Variants in SNX30 observed in about 807,000 individuals in gnomAD.
SNX30 encodes the protein sorting nexin-30.
SNX30 carries 24 observed loss-of-function variants against 46.4 expected under a neutral mutation model. The observed-to-expected ratio is 0.52, with a 90% confidence interval of 0.37 to 0.73. The LOEUF (loss-of-function observed/expected upper bound fraction) is 0.73. Ranked by LOEUF, SNX30 falls within the 30% of genes least tolerant of loss-of-function variation. The pLI is 0.00. For synonymous variants in SNX30, 189 were observed against 211.5 expected (o/e 0.89, Z 0.92); for missense variants, 533 against 555.7 (o/e 0.96, Z 0.41).
chr9:112,883,942 G>A (rs769035313), downstream of SNX30, among the ~76,000 whole-genome samples: 7 of 152,116 alleles, frequency 4.6e-5, no homozygotes, highest in Non-Finnish European at 5.9e-5. Flanking sequence ...TGATCCATCC[G>A]CCTTGGCCTC....
intron 1 of SNX30, among the ~76,000 whole-genome samples, chr9:112,784,379 G>A (rs1839888035): frequency 6.6e-6 from 1 of 152,130 alleles, no homozygotes; most frequent in Non-Finnish European, 1.5e-5. Context: ...CGTTACCTGT[G>A]GGGTGCACCT....
chr9:112,761,388 C>G (rs1839433901), intron 1 of SNX30, among the ~76,000 whole-genome samples: 2 of 152,158 alleles, frequency 1.3e-5, no homozygotes, highest in Admixed American at 6.5e-5. Flanking sequence ...GTCTCAAACT[C>G]CTGACTTCAG....
chr9:112,812,024 G>A (rs1840328168), intron 2 of SNX30, among the ~76,000 whole-genome samples: 1 of 152,098 alleles, frequency 6.6e-6, no homozygotes, highest in South Asian at 2.1e-4. Context: ...TCCAAGTAGT[G>A]TCTCTGGCCC....
chr9:112,837,027 A>G (rs574065151), intron 5 of SNX30, among the ~76,000 whole-genome samples: 23 of 152,172 alleles, frequency 1.5e-4, no homozygotes, highest in Non-Finnish European at 2.6e-4. Context: ...TTACATATGC[A>G]TGGGGCGGAC....
At chr9:112,849,288 T>C (rs1013153767) in intron 6 of SNX30, among the ~76,000 whole-genome samples, 1 of 152,218 alleles carries the variant, frequency 6.6e-6, no homozygotes, top group African/African-American at 2.4e-5. Context: ...TATAGATTTA[T>C]GTCATCCAGT....
intron 3 of SNX30, among the ~76,000 whole-genome samples, chr9:112,822,317 A>G (rs570968243): frequency 6.6e-6 from 1 of 152,178 alleles, no homozygotes; most frequent in African/African-American, 2.4e-5. Context: ...TTTCTTCATT[A>G]TGTAATAGTT....
chr9:112,817,794 C>T lies in SNX30; in HGVS notation c.438C>T (p.Ser146=). The T allele has an allele frequency of 6.2e-7, 1 of 1,612,338 alleles. No homozygotes were observed. The highest frequency in any genetic ancestry group is 8.5e-7 in the Non-Finnish European group (1 of 1,178,492). ...GGTTGAGGAGCAAACTGGAAGAATC[C>T]CAGCCCACTCATCTCATTCCCGTAG... ...FDWLRSKLEE[S]QPTHLIPPLP... The change falls in exon 3 of 9, where the codon TCC becomes TCT. Residue 146 remains serine, a synonymous_variant. Coordinates refer to ENST00000374232, the MANE Select transcript of SNX30 (RefSeq NM_001012994.2).
intron 5 of SNX30, among the ~76,000 whole-genome samples, chr9:112,880,695 T>G (rs1487052248): frequency 1.3e-5 from 2 of 152,262 alleles, no homozygotes; most frequent in Non-Finnish European, 2.9e-5. Flanking sequence ...AGTCTGTTAC[T>G]GTGCAATGGG....
intron 7 of SNX30, among the ~76,000 whole-genome samples, chr9:112,859,012 C>T (rs749046941): frequency 4.6e-5 from 7 of 152,306 alleles, no homozygotes; most frequent in Non-Finnish European, 7.3e-5. Flanking sequence ...AGCACATTTA[C>T]ATTGTTGTGC....
chr9:112,845,748 G>A (rs1318027741), intron 6 of SNX30, among the ~76,000 whole-genome samples: 1 of 152,212 alleles, frequency 6.6e-6, no homozygotes, highest in Non-Finnish European at 1.5e-5. Context: ...GTCCCTCAAT[G>A]AAAGGACCCA....
chr9:112,817,401 C>CTTTTTTTTTTGTTTTTTTTTTTTTTT, intron 2 of SNX30, among the ~76,000 whole-genome samples: 1 of 46,832 alleles, frequency 2.1e-5, no homozygotes, highest in Non-Finnish European at 3.4e-5. Context: ...AAAAAACTGG[C>CTTTTTTTTTTGTTTTTTTTTTTTTTT]TTTTTTTTTT....
chr9:112,828,490 C>A (rs993241609), intron 3 of SNX30, among the ~76,000 whole-genome samples: 5 of 152,170 alleles, frequency 3.3e-5, no homozygotes, highest in African/African-American at 1.2e-4. Context: ...CATTAAGTGA[C>A]ACATTAACTG....
intron 1 of SNX30, among the ~76,000 whole-genome samples, chr9:112,795,989 A>G (rs1840103318): frequency 6.6e-6 from 1 of 152,188 alleles, no homozygotes; most frequent in African/African-American, 2.4e-5. Context: ...GGATTCAAGC[A>G]GATTCCTGGA....
At chr9:112,820,319 AC>A (rs1257271229) in intron 3 of SNX30, among the ~76,000 whole-genome samples, 1 of 152,152 alleles carries the variant, frequency 6.6e-6, no homozygotes, top group African/African-American at 2.4e-5. Flanking sequence ...TGAAAGTCAA[AC>A]CAGCAACCAA....
chr9:112,808,792 A>G (rs1840271990), intron 2 of SNX30, among the ~76,000 whole-genome samples: 1 of 152,246 alleles, frequency 6.6e-6, no homozygotes. Context: ...AGGAAATGCC[A>G]GTAAGCATGC....
chr9:112,798,121 C>CTTTTTT (rs57300324), intron 1 of SNX30, among the ~76,000 whole-genome samples: 7 of 77,874 alleles, frequency 9.0e-5, no homozygotes, highest in African/African-American at 2.0e-4. Context: ...TTTTTTTTTT[C>CTTTTTT]TTTTTTTTTT....
At chr9:112,818,157 A>G (rs941291110) in intron 3 of SNX30, among the ~76,000 whole-genome samples, 1 of 151,956 alleles carries the variant, frequency 6.6e-6, no homozygotes, top group African/African-American at 2.4e-5. Context: ...TTCCATCTGC[A>G]CAGTTTTTAA....
intron 7 of SNX30, among the ~76,000 whole-genome samples, chr9:112,857,897 G>A (rs1307232723): frequency 2.0e-5 from 3 of 152,166 alleles, no homozygotes; most frequent in Admixed American, 6.5e-5. Flanking sequence ...TTAAATGAAT[G>A]TTGAGTGAAT....
intron 1 of SNX30, among the ~76,000 whole-genome samples, chr9:112,768,606 A>T (rs113961382): frequency 5.1e-4 from 60 of 118,024 alleles, no homozygotes; most frequent in Admixed American, 9.7e-4. Context: ...AGGGAGCAGT[A>T]TTTTTTTTTT....
Sources: allele counts gnomAD v4.1 joint callset (sites outside exome capture counted in the v4.1 genomes callset), GRCh38; gene constraint gnomAD v4.1.1; transcripts MANE v1.5; gene names NCBI Gene and HGNC (gene_info 2026-07-23, HGNC 2026-07-21).